Variants in RANBP9 observed in about 807,000 individuals in gnomAD.
RANBP9 encodes the protein ran-binding protein 9.
In RANBP9, 15 loss-of-function variants were observed where a neutral mutation model predicts 84.3. The ratio of observed to expected loss-of-function variants is 0.18; its 90% CI spans 0.12 to 0.27. The LOEUF is 0.27. Among genes scored for constraint, RANBP9 ranks in the 10% least tolerant of loss-of-function variants. RANBP9 has a pLI of 1.00. For synonymous variants in RANBP9, 392 were observed against 349.6 expected (o/e 1.12, Z -1.35); for missense variants, 809 against 912.8 (o/e 0.89, Z 1.46).
In RANBP9 at chr6:13,652,670, T is replaced by C. The variant is rs1003752146; in HGVS notation, c.916A>G (p.Thr306Ala). 1.3e-6 allele frequency: 2 copies of C among 1,597,606 alleles called. No homozygotes were observed. The highest frequency in any genetic ancestry group is 1.7e-6 in the Non-Finnish European group (2 of 1,168,806). ...KNGHSLGIAF[T>A]DLPPNLYPTV... ...AAAAAAAGTCTTACCGGTAGGTCAG[T>C]GAAAGCAATACCTAAAAAGAAAAAA... The change falls in exon 5 of 14, where the codon ACT (threonine) becomes GCT (alanine). Residue 306 changes from threonine (T) to alanine (A), a missense_variant. By Grantham distance (58) the Thr-to-Ala change is moderately conservative. Around this residue, in one of 5 missense-constraint regions of RANBP9, gnomAD observed 216 missense variants for 329.0 expected, o/e 0.66. Coordinates refer to ENST00000011619, the MANE Select transcript of RANBP9 (RefSeq NM_005493.3).
intron 1 of RANBP9, among the ~76,000 whole-genome samples, chr6:13,708,188 A>C (rs1758176876): frequency 6.6e-6 from 1 of 152,158 alleles, no homozygotes; most frequent in Non-Finnish European, 1.5e-5. Flanking sequence ...TTGGGATGCC[A>C]AGGTGGGAGG....
intron 10 of RANBP9, among the ~76,000 whole-genome samples, chr6:13,637,293 C>T (rs1206468618): frequency 6.6e-6 from 1 of 152,134 alleles, no homozygotes; most frequent in African/African-American, 2.4e-5. Context: ...TAACCATCTG[C>T]TATATGCAAG....
intron 2 of RANBP9, among the ~76,000 whole-genome samples, chr6:13,669,688 T>G (rs1765729800): frequency 6.6e-6 from 1 of 152,148 alleles, no homozygotes; most frequent in Non-Finnish European, 1.5e-5. Context: ...TTCTCCCGAT[T>G]AGGTGATCCT....
chr6:13,638,060 GGA>G (rs1764983031), intron 9 of RANBP9, 105 bp from the exon 10 acceptor site: 4 of 1,068,150 alleles, frequency 3.7e-6, no homozygotes, highest in Admixed American at 3.3e-5. Context: ...CTAGAACGTA[GGA>G]GAGTCAATGG....
intron 3 of RANBP9, among the ~76,000 whole-genome samples, chr6:13,658,268 ATATAC>A (rs577222882): frequency 9.3e-4 from 121 of 130,474 alleles, no homozygotes; most frequent in African/African-American, 3.2e-3. Context: ...AGCATGATAT[ATATAC>A]TATATGTTTT....
intron 4 of RANBP9, 100 bp from the exon 5 acceptor site, chr6:13,652,781 GA>G (rs972487510): frequency 2.1e-5 from 21 of 992,900 alleles, no homozygotes; most frequent in African/African-American, 8.2e-5. Context: ...AATGGCAAAA[GA>G]AAAAAACATT....
At chr6:13,624,324 G>A (rs888041202) in intron 13 of RANBP9, among the ~76,000 whole-genome samples, 1 of 152,130 alleles carries the variant, frequency 6.6e-6, no homozygotes, top group African/African-American at 2.4e-5. Flanking sequence ...CTCATTGCAA[G>A]TCTCCCTATC....
intron 4 of RANBP9, among the ~76,000 whole-genome samples, chr6:13,656,540 T>C (rs1409750278): frequency 6.6e-6 from 1 of 152,226 alleles, no homozygotes; most frequent in Admixed American, 6.5e-5. Flanking sequence ...AAGTTTTCCA[T>C]AACCTATTTT....
chr6:13,710,787 C>T, intron 1 of RANBP9, 148 bp downstream of exon 1: 1 of 820,650 alleles, frequency 1.2e-6, no homozygotes. Flanking sequence ...ACCCCCGCGC[C>T]CACCCGGAGC....
chr6:13,622,629 C>A, intron 13 of RANBP9, 137 bp from the exon 14 acceptor site: 1 of 974,452 alleles, frequency 1.0e-6, no homozygotes, highest in Non-Finnish European at 1.4e-6. Flanking sequence ...ATGAAGGTTT[C>A]TAAGCAAAAG....
intron 1 of RANBP9, among the ~76,000 whole-genome samples, chr6:13,709,219 G>A (rs371030263): frequency 6.6e-6 from 1 of 152,236 alleles, no homozygotes; most frequent in East Asian, 1.9e-4. Flanking sequence ...CAGTAATCAC[G>A]AATCTTAGAC....
intron 5 of RANBP9, among the ~76,000 whole-genome samples, chr6:13,650,166 G>GTTTT (rs749352241): frequency 7.6e-6 from 1 of 130,860 alleles, no homozygotes; most frequent in African/African-American, 2.8e-5. Flanking sequence ...GTGTTTTTTT[G>GTTTT]TTTTTTTTTT....
intron 1 of RANBP9, among the ~76,000 whole-genome samples, chr6:13,705,788 AGGAGGC>A (rs1430067313): frequency 6.8e-6 from 1 of 146,466 alleles, no homozygotes; most frequent in African/African-American, 2.5e-5. Context: ...GTCTGAACCC[AGGAGGC>A]GGAGCTTGCA....
intron 2 of RANBP9, among the ~76,000 whole-genome samples, chr6:13,683,071 G>A (rs190426575): frequency 6.6e-6 from 1 of 152,216 alleles, no homozygotes; most frequent in East Asian, 1.9e-4. Flanking sequence ...AAGAATCACT[G>A]GGATGAATCT....
Position 13,670,707 on chromosome 6 carries a change from G to A in RANBP9, c.684-11875C>T, listed in dbSNP as rs192622602. Among the ~76,000 whole-genome samples, 874 of 151,742 alleles carry A rather than the reference G, an allele frequency of 5.8e-3. 4 individuals carry two copies. The highest frequency in any genetic ancestry group is 0.02 in the African/African-American group (819 of 41,334). The stretch of plus-strand genomic sequence containing the variant: ...CCCAGCTACTTGGGAGGCTGAGGCA[G>A]GAGAATGGTGTGAACCCGGGAGGTG... On this transcript the variant is annotated intron_variant, in intron 2 of 13. Coordinates refer to ENST00000011619, the MANE Select transcript of RANBP9 (RefSeq NM_005493.3).
chr6:13,666,935 C>T (rs1307845182), intron 2 of RANBP9, among the ~76,000 whole-genome samples: 3 of 152,038 alleles, frequency 2.0e-5, no homozygotes, highest in African/African-American at 7.3e-5. Flanking sequence ...ATTTGTAATA[C>T]CAGTTGTGGC....
chr6:13,669,466 T>C (rs1448098098), intron 2 of RANBP9, among the ~76,000 whole-genome samples: 5 of 152,184 alleles, frequency 3.3e-5, no homozygotes, highest in African/African-American at 1.2e-4. Flanking sequence ...CACATTCCAA[T>C]TTTAAAACTC....
chr6:13,684,239 T>G (rs1053144074), intron 2 of RANBP9, among the ~76,000 whole-genome samples: 1 of 152,152 alleles, frequency 6.6e-6, no homozygotes, highest in South Asian at 2.1e-4. Context: ...CTGATAAAGA[T>G]TTTCTTCTCT....
At chr6:13,663,980 C>T (rs1033972847) in intron 2 of RANBP9, among the ~76,000 whole-genome samples, 1 of 152,054 alleles carries the variant, frequency 6.6e-6, no homozygotes, top group Non-Finnish European at 1.5e-5. Flanking sequence ...AGCAAGAAGG[C>T]CAGTGCTCAC....
Sources: gnomAD v4.1 joint callset for allele counts (sites outside exome capture counted in the v4.1 genomes callset) on GRCh38, gnomAD v4.1.1 for gene constraint, gnomAD v4.1.1 regional missense constraint, MANE v1.5 for transcripts, NCBI Gene and HGNC (gene_info 2026-07-23, HGNC 2026-07-21) for gene names.